The following ARHGEF9 variants were observed in gnomAD, a reference collection of about 807,000 sequenced individuals.
ARHGEF9 encodes the protein Cdc42 guanine nucleotide exchange factor 9, also known as rho guanine nucleotide exchange factor 9.
Under a neutral mutation model 41.3 loss-of-function variants are expected in ARHGEF9, and 2 were observed. That is an observed-to-expected ratio of 0.05 (90% CI 0.02 to 0.15). The LOEUF is 0.15. Among genes scored for constraint, ARHGEF9 ranks in the 10% least tolerant of loss-of-function variants. ARHGEF9 has a pLI of 1.00. For missense variants in ARHGEF9, 225 were observed against 424.7 expected (o/e 0.53, Z 4.13); for synonymous variants, 160 against 154.4 (o/e 1.04, Z -0.27).
intron 1 of ARHGEF9, among the ~76,000 whole-genome samples, chrX:63,783,035 T>G (rs1363080067): frequency 8.9e-6 from 1 of 112,277 alleles, no homozygotes; most frequent in Non-Finnish European, 1.9e-5. Context: ...AAGAATATTA[T>G]GAGATTTTTC....
chrX:63,718,359 GTTGTA>G (rs1217508563), intron 2 of ARHGEF9, among the ~76,000 whole-genome samples: 3 of 111,530 alleles, frequency 2.7e-5, no homozygotes, highest in Non-Finnish European at 5.7e-5. Flanking sequence ...TTCCAAAAAT[GTTGTA>G]CTTTACAAAG....
chrX:63,693,728 GA>G (rs782740574), intron 4 of ARHGEF9, among the ~76,000 whole-genome samples: 40 of 109,390 alleles, frequency 3.7e-4, no homozygotes, highest in Non-Finnish European at 4.4e-4. Flanking sequence ...CTTAAAACGG[GA>G]AAAATACATG....
intron 8 of ARHGEF9, 122 bp from the exon 9 acceptor site, chrX:63,644,170 A>C: frequency 2.2e-6 from 1 of 462,594 alleles, no homozygotes; most frequent in Non-Finnish European, 3.4e-6. Context: ...TGAAATACAA[A>C]AAAAAAAAAA....
chrX:63,732,781 T>C (rs1258801278), intron 1 of ARHGEF9, among the ~76,000 whole-genome samples: 3 of 111,714 alleles, frequency 2.7e-5, no homozygotes, highest in Non-Finnish European at 5.6e-5. Flanking sequence ...CTGCTCAACA[T>C]TTCACTGGAT....
chrX:63,748,742 C>T (rs1225580815), intron 1 of ARHGEF9, among the ~76,000 whole-genome samples: 2 of 111,723 alleles, frequency 1.8e-5, no homozygotes, highest in African/African-American at 6.5e-5. Flanking sequence ...GATAGGGGAC[C>T]TGGCATGGGT....
In ARHGEF9 at chrX:63,704,608, G is replaced by A. The variant is rs138891182; in HGVS notation, c.402+1650C>T. Among the ~76,000 whole-genome samples, 1,022 of 111,764 alleles carry A rather than the reference G, an allele frequency of 9.1e-3. 7 individuals are homozygous for A. The highest frequency in any genetic ancestry group is 0.014 in the Non-Finnish European group (748 of 53,115). ...GATGGGTGAATAAATTTAAAAAGGAGGCAAAAAAGAAAATTACCTTTTTCC... is the reference window on the plus strand; with the variant it reads ...GATGGGTGAATAAATTTAAAAAGGAAGCAAAAAAGAAAATTACCTTTTTCC... On this transcript the variant is annotated intron_variant, in intron 3 of 9. Transcript: ENST00000671741.
chrX:63,714,150 G>A (rs2053145042), intron 2 of ARHGEF9, among the ~76,000 whole-genome samples: 2 of 111,481 alleles, frequency 1.8e-5, no homozygotes, highest in Admixed American at 9.4e-5. Flanking sequence ...CAACACAGAC[G>A]TGTGACCTCA....
chrX:63,639,456 T>C (rs192396412), intron 9 of ARHGEF9: 83 of 111,812 alleles, frequency 7.4e-4, no homozygotes, highest in African/African-American at 2.6e-3. Context: ...CTTTACCCAG[T>C]TTTCCCAATG....
chrX:63,674,177 C>CA lies in ARHGEF9; in HGVS notation c.816-11dup. 1 of 1,209,579 alleles carries CA rather than the reference C, an allele frequency of 8.3e-7. No homozygotes were observed. The highest frequency in any genetic ancestry group is 1.1e-6 in the Non-Finnish European group (1 of 894,414). Reference sequence around the variant, plus strand: ...CACATACCTGTAGTCACTGTGAAAACAAAAGAGTGCAAGTTGAACCAACCA... The same window carrying CA: ...CACATACCTGTAGTCACTGTGAAAACAAAAAGAGTGCAAGTTGAACCAACCA... On this transcript the variant is annotated splice_polypyrimidine_tract_variant and intron_variant, in intron 5 of 9. Transcript: ENST00000671741.
chrX:63,763,792 A>G (rs1556450602), intron 1 of ARHGEF9, among the ~76,000 whole-genome samples: 3 of 111,691 alleles, frequency 2.7e-5, no homozygotes, highest in African/African-American at 9.8e-5. Flanking sequence ...GAAAAGCTGT[A>G]AAGTACTTAG....
intron 2 of ARHGEF9, among the ~76,000 whole-genome samples, chrX:63,718,374 G>C (rs1319476959): frequency 9.0e-6 from 1 of 111,518 alleles, no homozygotes; most frequent in Non-Finnish European, 1.9e-5. Context: ...ACTTTACAAA[G>C]AGCCACAGAA....
chrX:63,661,401 T>C (rs782206977), intron 7 of ARHGEF9, among the ~76,000 whole-genome samples: 1 of 111,410 alleles, frequency 9.0e-6, no homozygotes, highest in East Asian at 2.8e-4. Flanking sequence ...GGACAGAGGG[T>C]GCAGGAAAAG....
intron 6 of ARHGEF9, among the ~76,000 whole-genome samples, chrX:63,666,862 C>A (rs1556349453): frequency 1.8e-5 from 2 of 111,963 alleles, no homozygotes; most frequent in African/African-American, 6.5e-5. Flanking sequence ...CTAGCTAATT[C>A]AATTCTACAG....
chrX:63,739,282 C>T (rs1458548041), intron 1 of ARHGEF9, among the ~76,000 whole-genome samples: 1 of 111,120 alleles, frequency 9.0e-6, no homozygotes, highest in Non-Finnish European at 1.9e-5. Flanking sequence ...GATTGCTTCT[C>T]ACAACAGCCT....
At chrX:63,770,518 AAAAT>A (rs1448836353) in intron 1 of ARHGEF9, among the ~76,000 whole-genome samples, 1 of 112,290 alleles carries the variant, frequency 8.9e-6, no homozygotes, top group African/African-American at 3.2e-5. Flanking sequence ...GGTTAATGCT[AAAAT>A]AAATTAAGGC....
intron 1 of ARHGEF9, among the ~76,000 whole-genome samples, chrX:63,739,094 T>C (rs782485758): frequency 8.9e-6 from 1 of 111,812 alleles, no homozygotes; most frequent in Admixed American, 9.5e-5. Context: ...CCCTCAACTA[T>C]TAGCACAATC....
chrX:63,744,843 T>C (rs5964688), intron 1 of ARHGEF9, among the ~76,000 whole-genome samples: 6,922 of 111,893 alleles, frequency 0.062, 204 homozygotes, highest in Middle Eastern at 0.097. Flanking sequence ...AGGAAATTAA[T>C]AAATCCCTCA....
At chrX:63,745,701 T>C (rs2055229119) in intron 1 of ARHGEF9, among the ~76,000 whole-genome samples, 1 of 111,523 alleles carries the variant, frequency 9.0e-6, no homozygotes, top group African/African-American at 3.3e-5. Flanking sequence ...GGCACTTTAA[T>C]ATCTGCCCCT....
At chrX:63,661,511 A>G (rs781981737) in intron 7 of ARHGEF9, among the ~76,000 whole-genome samples, 1 of 112,318 alleles carries the variant, frequency 8.9e-6, no homozygotes, top group South Asian at 3.7e-4. Flanking sequence ...GAAAATAATA[A>G]AACACATCAA....
Sources: allele counts gnomAD v4.1 joint callset (sites outside exome capture counted in the v4.1 genomes callset), GRCh38; gene constraint gnomAD v4.1.1; transcripts MANE v1.5; gene names NCBI Gene and HGNC (gene_info 2026-07-23, HGNC 2026-07-21).